Variants in RAD51B observed in about 807,000 individuals in gnomAD.
RAD51B encodes RAD51 paralog B.
RAD51B carries 38 observed loss-of-function variants against 42.2 expected under a neutral mutation model. The observed-to-expected ratio is 0.90, with a 90% CI of 0.70 to 1.18. The LOEUF is 1.18. Ranked by LOEUF, RAD51B falls within the 50% of genes most tolerant of loss-of-function variation. RAD51B has a pLI of 0.00. For missense variants in RAD51B, 373 were observed against 400.7 expected, an observed-to-expected ratio of 0.93 and a Z score of 0.59; for synonymous variants, 154 against 145.2, an observed-to-expected ratio of 1.06 and a Z score of -0.43.
At chr14:68,361,460 T>A (rs1314860598) in intron 8 of RAD51B, among the ~76,000 whole-genome samples, 1 of 152,222 alleles carries the variant, frequency 6.6e-6, no homozygotes, top group Non-Finnish European at 1.5e-5. Context: ...CAAGAGCCAC[T>A]GCTTTTACAC....
In RAD51B at chr14:68,221,354, T is replaced by C. The variant is rs139472858; in HGVS notation, c.757-70530T>C. ...GTATAAAAATAGACACATAGACCAA[T>C]GAAACAGAATAGAGAACCCAGAAAT... is the stretch of plus-strand genomic sequence containing the variant. On this transcript the variant is annotated intron_variant, in intron 7 of 10. Transcript: ENST00000471583. Among the ~76,000 whole-genome samples the C allele has an allele frequency of 3.2e-3, 485 of 151,382 alleles. 2 individuals are homozygous for C. The highest frequency in any genetic ancestry group is 0.011 in the African/African-American group (463 of 41,298).
intron 7 of RAD51B, among the ~76,000 whole-genome samples, chr14:67,890,261 C>T (rs1204075432): frequency 6.6e-6 from 1 of 152,014 alleles, no homozygotes; most frequent in Non-Finnish European, 1.5e-5. Context: ...TTTAGTTTGG[C>T]CCCTTCATTT....
chr14:67,895,943 CCCAGTTAATTCTA>C (rs982120581), intron 7 of RAD51B, among the ~76,000 whole-genome samples: 10 of 152,078 alleles, frequency 6.6e-5, no homozygotes, highest in African/African-American at 2.2e-4. Context: ...CTGTTTTAGC[CCCAGTTAATTCTA>C]CCTTCTTTTG....
intron 7 of RAD51B, among the ~76,000 whole-genome samples, chr14:68,232,967 A>G (rs1183900982): frequency 6.6e-6 from 1 of 152,232 alleles, no homozygotes; most frequent in Non-Finnish European, 1.5e-5. Context: ...TGGTCTATAG[A>G]AAAATCTAGA....
intron 7 of RAD51B, among the ~76,000 whole-genome samples, chr14:67,997,279 A>G (rs545912497): frequency 1.3e-5 from 2 of 152,354 alleles, no homozygotes; most frequent in Non-Finnish European, 2.9e-5. Context: ...AGGGCATTTC[A>G]ACATTAAGAA....
chr14:68,403,964 G>C (rs1478380992), intron 8 of RAD51B, among the ~76,000 whole-genome samples: 1 of 152,132 alleles, frequency 6.6e-6, no homozygotes, highest in African/African-American at 2.4e-5. Flanking sequence ...TTTTACAGAT[G>C]GGTTAGCAAT....
intron 7 of RAD51B, among the ~76,000 whole-genome samples, chr14:68,146,576 C>G (rs1014282131): frequency 6.6e-6 from 1 of 152,122 alleles, no homozygotes; most frequent in African/African-American, 2.4e-5. Flanking sequence ...CCTTAAGGAA[C>G]TAGACAGAAT....
intron 10 of RAD51B, among the ~76,000 whole-genome samples, chr14:68,648,027 A>ACG (rs1169113681): frequency 3.9e-5 from 4 of 103,346 alleles, no homozygotes; most frequent in Admixed American, 3.1e-4. Flanking sequence ...ATATACGTAT[A>ACG]TATATATATA....
intron 10 of RAD51B, among the ~76,000 whole-genome samples, chr14:68,621,122 C>T (rs1026991045): frequency 3.9e-5 from 6 of 152,220 alleles, no homozygotes; most frequent in Admixed American, 2.0e-4. Context: ...CTTCCTTTAT[C>T]ATTCATTCAA....
At chr14:67,905,755 A>C (rs148640586) in intron 7 of RAD51B, among the ~76,000 whole-genome samples, 1 of 152,182 alleles carries the variant, frequency 6.6e-6, no homozygotes, top group Non-Finnish European at 1.5e-5. Flanking sequence ...ATTTTTGTAC[A>C]TTGATTTTGT....
intron 7 of RAD51B, among the ~76,000 whole-genome samples, chr14:68,057,178 A>T (rs1265251939): frequency 6.6e-6 from 1 of 152,126 alleles, no homozygotes; most frequent in Admixed American, 6.6e-5. Flanking sequence ...TGATAGTAAA[A>T]TTGGATCTCA....
intron 7 of RAD51B, among the ~76,000 whole-genome samples, chr14:67,918,426 G>A (rs1034342243): frequency 1.2e-4 from 19 of 152,142 alleles, no homozygotes; most frequent in African/African-American, 4.6e-4. Flanking sequence ...GTAGAGACAG[G>A]GTTTCACCAT....
chr14:68,239,346 TAA>T (rs969555301), intron 7 of RAD51B, among the ~76,000 whole-genome samples: 1 of 152,174 alleles, frequency 6.6e-6, no homozygotes, highest in African/African-American at 2.4e-5. Flanking sequence ...TGAGAAATCC[TAA>T]GTGTGTCAAG....
intron 7 of RAD51B, among the ~76,000 whole-genome samples, chr14:68,028,847 G>T (rs1246452291): frequency 3.3e-5 from 5 of 152,180 alleles, no homozygotes; most frequent in Non-Finnish European, 7.4e-5. Flanking sequence ...GGAGGGAGAT[G>T]GGGAGCCCTG....
intron 4 of RAD51B, among the ~76,000 whole-genome samples, chr14:67,841,799 C>G (rs1387809788): frequency 6.6e-6 from 1 of 152,096 alleles, no homozygotes; most frequent in African/African-American, 2.4e-5. Flanking sequence ...GTACCAGTAC[C>G]ATGCCGTTTT....
intron 7 of RAD51B, among the ~76,000 whole-genome samples, chr14:68,189,477 C>A (rs764104640): frequency 4.6e-5 from 7 of 152,080 alleles, no homozygotes; most frequent in Non-Finnish European, 1.0e-4. Flanking sequence ...TTCCTAGTGG[C>A]AATTATAGAT....
intron 7 of RAD51B, among the ~76,000 whole-genome samples, chr14:67,895,035 A>G (rs907301608): frequency 6.6e-6 from 1 of 152,092 alleles, no homozygotes; most frequent in African/African-American, 2.4e-5. Flanking sequence ...GTGGCCTCCT[A>G]AAGTTCTAGG....
intron 10 of RAD51B, among the ~76,000 whole-genome samples, chr14:68,590,684 C>T (rs1348170121): frequency 6.6e-6 from 1 of 152,154 alleles, no homozygotes; most frequent in Non-Finnish European, 1.5e-5. Context: ...GAAGTTAGAC[C>T]CATTACCCAC....
chr14:68,590,874 G>A (rs1361832862), intron 10 of RAD51B, among the ~76,000 whole-genome samples: 2 of 152,132 alleles, frequency 1.3e-5, no homozygotes, highest in Non-Finnish European at 2.9e-5. Flanking sequence ...TCTCTAGAAT[G>A]TCTCCTCTTT....
Sources: allele counts gnomAD v4.1 joint callset (sites outside exome capture counted in the v4.1 genomes callset), GRCh38; gene constraint gnomAD v4.1.1; transcripts MANE v1.5; gene names NCBI Gene and HGNC (gene_info 2026-07-23, HGNC 2026-07-21).